Variants in TFB1M observed in about 807,000 individuals in gnomAD.
TFB1M encodes the protein dimethyladenosine transferase 1, mitochondrial.
Under a neutral mutation model 31.1 loss-of-function variants are expected in TFB1M, and 27 were observed. The observed-to-expected ratio is 0.87, with a 90% CI of 0.64 to 1.20. TFB1M has a LOEUF of 1.20. Ranked by LOEUF, TFB1M falls within the 50% of genes most tolerant of loss-of-function variation. The pLI, the probability that TFB1M is intolerant of heterozygous loss-of-function variation, is 0.00. For missense variants in TFB1M, 394 were observed against 418.7 expected (o/e 0.94, Z 0.51); for synonymous variants, 166 against 151.8 (o/e 1.09, Z -0.69).
At chr6:155,253,151 C>T, downstream of TFB1M, 2 of 1,028,798 alleles carry the variant, frequency 1.9e-6, no homozygotes, top group Non-Finnish European at 2.9e-6. Context: ...ATTTTTGGTG[C>T]CTTTTATTTT....
intron 4 of TFB1M, among the ~76,000 whole-genome samples, chr6:155,288,055 C>T (rs1776745415): frequency 6.6e-6 from 1 of 152,176 alleles, no homozygotes; most frequent in African/African-American, 2.4e-5. Context: ...CACTTCTTTT[C>T]CTTTGCTGCT....
At chr6:155,276,324 T>TC in intron 5 of TFB1M, 1 of 1,613,668 alleles carries the variant, frequency 6.2e-7, no homozygotes, top group Admixed American at 1.7e-5. Context: ...CAGCAGCCTA[T>TC]CTCTAACACA....
chr6:155,285,105 G>A, intron 5 of TFB1M, 53 bp downstream of exon 5: 3 of 1,609,124 alleles, frequency 1.9e-6, no homozygotes, highest in Non-Finnish European at 2.5e-6. Context: ...CACATCCTCA[G>A]GGGAACAAAC....
At chr6:155,307,257 CAA>C (rs1443220946) in intron 2 of TFB1M, among the ~76,000 whole-genome samples, 10 of 151,998 alleles carry the variant, frequency 6.6e-5, no homozygotes, top group Non-Finnish European at 5.9e-5. Context: ...AGCTGTAAAA[CAA>C]AGTGTATTAG....
intron 2 of TFB1M, among the ~76,000 whole-genome samples, chr6:155,304,697 T>C (rs543935734): frequency 3.3e-5 from 5 of 150,662 alleles, no homozygotes; most frequent in East Asian, 2.0e-4. Context: ...CTTTTTGCAA[T>C]GCAAAAAGTT....
chr6:155,263,236 T>C (rs982907951), intron 5 of TFB1M, among the ~76,000 whole-genome samples: 1 of 152,212 alleles, frequency 6.6e-6, no homozygotes. Context: ...TTACTTATAA[T>C]TGAATGCTTA....
chr6:155,309,342 A>C (rs867070603), intron 2 of TFB1M, among the ~76,000 whole-genome samples: 1 of 152,232 alleles, frequency 6.6e-6, no homozygotes, highest in South Asian at 2.1e-4. Flanking sequence ...ACAGACACAC[A>C]TTTCTACCCT....
intron 4 of TFB1M, among the ~76,000 whole-genome samples, chr6:155,292,319 G>C (rs1046140688): frequency 2.0e-5 from 3 of 152,170 alleles, no homozygotes; most frequent in Non-Finnish European, 4.4e-5. Context: ...GAGAGGGAGA[G>C]AGAATGTGAG....
Position 155,280,168 on chromosome 6 carries a change from G to A in TFB1M, c.666+4990C>T, listed in dbSNP as rs184369012. On this transcript the variant is annotated intron_variant, in intron 5 of 6. Coordinates refer to ENST00000367166, the MANE Select transcript of TFB1M (RefSeq NM_016020.4). ...TAGTTTAGAACTTCCAAGCAACTGC[G>A]GCAGAGAGGTGGCCATGTAAGTAAT... 3.9e-5 allele frequency among the ~76,000 whole-genome samples: 6 copies of A among 152,148 alleles called. 1 individual carries two copies. The highest frequency in any genetic ancestry group is 7.4e-5 in the Non-Finnish European group (5 of 68,014).
At chr6:155,247,971 T>C in the TFB1M span, 1 of 1,608,692 alleles carries the variant, frequency 6.2e-7, no homozygotes, top group Non-Finnish European at 8.5e-7. Flanking sequence ...ACTGTGCTCT[T>C]CTGAGGTCTT....
the TFB1M span, chr6:155,244,901 T>G: frequency 2.4e-6 from 3 of 1,273,392 alleles, no homozygotes; most frequent in Non-Finnish European, 3.2e-6. Context: ...CTATTTATTG[T>G]CCTGTGACTA....
the TFB1M span, among the ~76,000 whole-genome samples, chr6:155,241,063 C>A: frequency 6.6e-6 from 1 of 152,220 alleles, no homozygotes; most frequent in Non-Finnish European, 1.5e-5. Context: ...TGGGAACAAT[C>A]TGTACATACG....
At chr6:155,299,974 T>C (rs996786277) in intron 2 of TFB1M, among the ~76,000 whole-genome samples, 2 of 152,230 alleles carry the variant, frequency 1.3e-5, no homozygotes, top group African/African-American at 2.4e-5. Context: ...CCATTTCCTA[T>C]CTACCTTTAT....
Position 155,256,731 on chromosome 6 carries a change from T to C in TFB1M, c.*1105A>G. ...AGAGTGACATCCTGAGCGATGAAGA[T>C]GATGACCACCGTCAGACTGTGAAGC... On this transcript the variant is annotated 3_prime_UTR_variant, in exon 7 of 7. Coordinates refer to ENST00000367166, the MANE Select transcript of TFB1M (RefSeq NM_016020.4). The C allele has an allele frequency of 2.5e-6, 4 of 1,614,194 alleles. No homozygotes were observed. In the South Asian group the frequency reaches 4.4e-5, roughly 18 times the overall value.
intron 2 of TFB1M, among the ~76,000 whole-genome samples, chr6:155,303,704 C>A (rs375471103): frequency 2.0e-5 from 3 of 152,154 alleles, no homozygotes; most frequent in African/African-American, 7.2e-5. Flanking sequence ...TCTGCCTGGA[C>A]GCTGAAATTA....
chr6:155,269,658 G>T (rs2114694866), intron 5 of TFB1M, among the ~76,000 whole-genome samples: 1 of 152,194 alleles, frequency 6.6e-6, no homozygotes, highest in East Asian at 1.9e-4. Flanking sequence ...TATCTGCTAG[G>T]TTTGTCTTGA....
chr6:155,241,516 G>A, the TFB1M span, among the ~76,000 whole-genome samples: 6 of 152,132 alleles, frequency 3.9e-5, no homozygotes, highest in Admixed American at 3.3e-4. Flanking sequence ...TTCTCTAAAT[G>A]TCTTCCAACT....
intron 5 of TFB1M, among the ~76,000 whole-genome samples, chr6:155,274,940 G>A (rs368373601): frequency 6.6e-6 from 1 of 152,036 alleles, no homozygotes; most frequent in Non-Finnish European, 1.5e-5. Context: ...TCATTTGGGC[G>A]AGGCGTGGTG....
At chr6:155,306,452 A>G (rs929206522) in intron 2 of TFB1M, among the ~76,000 whole-genome samples, 5 of 152,216 alleles carry the variant, frequency 3.3e-5, no homozygotes, top group African/African-American at 1.2e-4. Flanking sequence ...ACAGTATAAG[A>G]GCCAAAAAAG....
Sources: gnomAD v4.1 joint callset for allele counts (sites outside exome capture counted in the v4.1 genomes callset) on GRCh38, gnomAD v4.1.1 for gene constraint, MANE v1.5 for transcripts, NCBI Gene and HGNC (gene_info 2026-07-23, HGNC 2026-07-21) for gene names.